The following GRAMD1C variants were observed in gnomAD, a reference collection of about 807,000 sequenced individuals.
The protein encoded by GRAMD1C is protein Aster-C.
Under a neutral mutation model 97.8 loss-of-function variants are expected in GRAMD1C, and 89 were observed. The observed-to-expected ratio is 0.91, with a 90% CI of 0.77 to 1.09. The LOEUF (loss-of-function observed/expected upper bound fraction) is 1.09, where lower values mean the gene tolerates loss of function less well. Ranked by LOEUF, GRAMD1C falls within the 50% of genes least tolerant of loss-of-function variation. The pLI, the probability that GRAMD1C is intolerant of heterozygous loss-of-function variation, is 0.00. For missense variants in GRAMD1C, 740 were observed against 766.4 expected, an observed-to-expected ratio of 0.97 and a Z score of 0.41; for synonymous variants, 256 against 267.0, an observed-to-expected ratio of 0.96 and a Z score of 0.40.
intron 10 of GRAMD1C, 111 bp downstream of exon 10, chr3:113,915,949 C>T: frequency 1.2e-6 from 1 of 842,550 alleles, no homozygotes; most frequent in South Asian, 1.6e-5. Context: ...ATTAGACATG[C>T]TTTGCTTTTA....
rs1335444421 is a variant in GRAMD1C, at chr3:113,940,086, G to A, written c.1802+90G>A. On this transcript the variant is annotated intron_variant, in intron 16 of 17. Coordinates refer to ENST00000358160, the MANE Select transcript of GRAMD1C (RefSeq NM_017577.5). ...ACTTAATTTCAGTTTCAGAGACTGTGGTCTGCTAACTATCCTGTAGCCATA... is the reference window on the plus strand; with the variant it reads ...ACTTAATTTCAGTTTCAGAGACTGTAGTCTGCTAACTATCCTGTAGCCATA... 4.5e-6 allele frequency: 4 copies of A among 895,054 alleles called. No individual in the cohort carries two copies. The African/African-American group carries it at 6.6e-5, about 15-fold the overall frequency. 55.4% of individuals were successfully genotyped at this position (895,054 alleles called of 1,614,324 possible).
chr3:113,829,728 G>A (rs1057427044), intron 1 of GRAMD1C, among the ~76,000 whole-genome samples: 1 of 152,150 alleles, frequency 6.6e-6, no homozygotes, highest in East Asian at 1.9e-4. Context: ...ATATATCAGT[G>A]TACAAAGTCA....
At chr3:113,921,648 C>G (rs1185864241) in intron 10 of GRAMD1C, among the ~76,000 whole-genome samples, 1 of 152,142 alleles carries the variant, frequency 6.6e-6, no homozygotes, top group Non-Finnish European at 1.5e-5. Context: ...TTAATAATAG[C>G]CATTCTGTCT....
At chr3:113,865,841 A>G (rs900183619) in intron 2 of GRAMD1C, among the ~76,000 whole-genome samples, 1 of 152,178 alleles carries the variant, frequency 6.6e-6, no homozygotes, top group Admixed American at 6.5e-5. Context: ...CTGTCAAGCA[A>G]TCTGGAATTG....
In GRAMD1C at chr3:113,853,318, AAG is replaced by A. The variant is rs563485431; in HGVS notation, c.174+8675_174+8676del. Among the ~76,000 whole-genome samples, 14 of 152,362 alleles carry A rather than the reference AAG, an allele frequency of 9.2e-5. No homozygotes were observed. In the East Asian group the frequency reaches 2.5e-3, roughly 27 times the overall value. On this transcript the variant is annotated intron_variant, in intron 2 of 17. Transcript: ENST00000358160. ...CCTCAAATTATATCACTGAGAGATA[AAG>A]AGAGAAAGTATGAAAGAGAGCAGTT...
Position 113,869,574 on chromosome 3 carries a change from C to CAG in GRAMD1C, c.247_248dup (p.Leu84GlyfsTer2). 1 of 1,503,660 alleles carries CAG rather than the reference C, an allele frequency of 6.7e-7. No individual in the cohort carries two copies. Among genetic ancestry groups the CAG allele is most frequent in the South Asian group, 1.2e-5 (1 of 82,932 alleles). The allele number at this position is 1,503,660 out of a possible 1,614,324, so 93.1% of individuals were successfully genotyped here. On this transcript the variant is annotated frameshift_variant, in exon 3 of 18. Transcript: ENST00000358160. LOFTEE classifies it high-confidence loss of function. Reference sequence around the variant, plus strand: ...AGACAGTTCACACATCTACCTGATACAGAGAGGCTGATAGCAGGTAAAATA... The same window carrying CAG: ...AGACAGTTCACACATCTACCTGATACAGAGAGAGGCTGATAGCAGGTAAAATA...
chr3:113,934,331 T>C lies in GRAMD1C; in HGVS notation c.1353-101T>C, dbSNP rs1937536526. 9 of 660,376 alleles carry C rather than the reference T, an allele frequency of 1.4e-5. No homozygotes were observed. The South Asian group carries it at 1.7e-4, about 13-fold the overall frequency. The allele number at this position is 660,376 out of a possible 1,614,324, so 40.9% of individuals were successfully genotyped here. ...TTTATGATATTAATGACTTTGAATC[T>C]TTTTGACTTTCCACTGAATACAATC... On this transcript the variant is annotated intron_variant, in intron 12 of 17. Transcript: ENST00000358160.
At chr3:113,887,632 CA>C (rs1935559181) in intron 6 of GRAMD1C, among the ~76,000 whole-genome samples, 1 of 146,672 alleles carries the variant, frequency 6.8e-6, no homozygotes, top group South Asian at 2.1e-4. Context: ...GGCGTGAACC[CA>C]GGAGGTGGAG....
chr3:113,851,409 C>T (rs920852388), intron 2 of GRAMD1C, among the ~76,000 whole-genome samples: 10 of 151,830 alleles, frequency 6.6e-5, no homozygotes, highest in Non-Finnish European at 4.4e-5. Flanking sequence ...TAAGAATAAA[C>T]AGATTTTCAA....
intron 5 of GRAMD1C, among the ~76,000 whole-genome samples, chr3:113,880,617 G>A (rs60952548): frequency 2.0e-5 from 3 of 152,184 alleles, no homozygotes; most frequent in African/African-American, 7.2e-5. Flanking sequence ...TTATGCTCAT[G>A]TGTGACTGTT....
At chr3:113,885,927 G>A (rs1411073115) in intron 6 of GRAMD1C, 11 of 1,612,598 alleles carry the variant, frequency 6.8e-6, no homozygotes, top group Admixed American at 3.3e-5. Flanking sequence ...TGACCCCAGC[G>A]ACACAGCCCT....
chr3:113,878,994 C>T (rs1050336604), intron 5 of GRAMD1C, among the ~76,000 whole-genome samples: 2 of 152,096 alleles, frequency 1.3e-5, no homozygotes, highest in African/African-American at 2.4e-5. Flanking sequence ...ATCACGCGGT[C>T]AGGAGTTCGA....
In GRAMD1C at chr3:113,933,176, C is replaced by T. The variant is rs916391377; in HGVS notation, c.1210-335C>T. The stretch of plus-strand genomic sequence containing the variant: ...TTAGGATTACAGGCGTGAGCCACTG[C>T]GTCTGGCCTAATTTTTTATTAAAAA... On this transcript the variant is annotated intron_variant, in intron 11 of 17. Transcript: ENST00000358160. Among the ~76,000 whole-genome samples the T allele has an allele frequency of 7.9e-5, 12 of 152,174 alleles. 1 individual carries two copies. Among genetic ancestry groups the T allele is most frequent in the South Asian group, 6.2e-4 (3 of 4,834 alleles).
In GRAMD1C at chr3:113,869,552, C is replaced by G. The variant is rs1577143934; in HGVS notation, c.220C>G (p.Gln74Glu). 6.4e-7 allele frequency: 1 copy of G among 1,554,512 alleles called. No homozygotes were observed. Among genetic ancestry groups the G allele is most frequent in the Non-Finnish European group, 8.8e-7 (1 of 1,136,958 alleles). Residue 74 changes from glutamine (Q) to glutamate (E), a missense_variant, in exon 3 of 18, where the codon CAG (glutamine) becomes GAG (glutamate). Transcript: ENST00000358160. ...AGACAGGAATGAGGAATACAGAAGACAGTTCACACATCTACCTGATACAGA... is the reference window on the plus strand; with the variant it reads ...AGACAGGAATGAGGAATACAGAAGAGAGTTCACACATCTACCTGATACAGA... ...YKDRNEEYRR[Q>E]FTHLPDTERL...
chr3:113,879,949 C>T (rs1173565142), intron 5 of GRAMD1C, among the ~76,000 whole-genome samples: 2 of 152,090 alleles, frequency 1.3e-5, no homozygotes, highest in African/African-American at 2.4e-5. Flanking sequence ...CTGCCTTGGC[C>T]GCCCAAAGTG....
rs747982823 is a variant in GRAMD1C at position 113,908,999 on chromosome 3, A to ATT, written c.831_832insTT (p.Lys278LeufsTer12). On this transcript the variant is annotated frameshift_variant, in exon 9 of 18. Transcript: ENST00000358160. LOFTEE classifies it high-confidence loss of function. ...AGTCCCAAAATGAGAAACAGACCAA[A>ATT]AAGAGTCTCTTACCAACTTTGGAAA... is the stretch of plus-strand genomic sequence containing the variant. The ATT allele has an allele frequency of 3.8e-6, 6 of 1,579,524 alleles. No individual in the cohort carries two copies. The highest frequency in any genetic ancestry group is 1.4e-5 in the African/African-American group (1 of 72,902).
intron 1 of GRAMD1C, among the ~76,000 whole-genome samples, chr3:113,843,878 G>A (rs1263429894): frequency 6.6e-6 from 1 of 152,172 alleles, no homozygotes; most frequent in African/African-American, 2.4e-5. Context: ...AAACATTCTT[G>A]ACTCTATGTG....
chr3:113,946,572 A>C lies in GRAMD1C; in HGVS notation c.*1094A>C, dbSNP rs1038586083. On this transcript the variant is annotated 3_prime_UTR_variant, in exon 18 of 18. Coordinates refer to ENST00000358160, the MANE Select transcript of GRAMD1C (RefSeq NM_017577.5). Reference sequence around the variant, plus strand: ...AAATAAGAACTTTGTAAACTGACTTAAAATCAGATATTTTTTCAAGAGTTA... The same window carrying C: ...AAATAAGAACTTTGTAAACTGACTTCAAATCAGATATTTTTTCAAGAGTTA... The C allele has an allele frequency of 6.6e-6, 1 of 152,354 alleles. No homozygotes were observed. The highest frequency in any genetic ancestry group is 1.9e-4 in the East Asian group (1 of 5,188). The allele number at this position is 152,354 out of a possible 1,614,324, so 9.4% of individuals were successfully genotyped here. A position where few individuals can be genotyped will look rare whatever the true frequency, so the allele number is the denominator to read the frequency against.
intron 8 of GRAMD1C, among the ~76,000 whole-genome samples, chr3:113,908,191 C>A (rs1051954300): frequency 1.1e-4 from 16 of 152,164 alleles, no homozygotes; most frequent in Non-Finnish European, 1.6e-4. Flanking sequence ...AGAAAATATT[C>A]TGCTGTATAG....
Sources: allele counts gnomAD v4.1 joint callset (sites outside exome capture counted in the v4.1 genomes callset), GRCh38; gene constraint gnomAD v4.1.1; transcripts MANE v1.5; gene names NCBI Gene and HGNC (gene_info 2026-07-23, HGNC 2026-07-21).